SH3GL2: variants seen among roughly 807,000 people sequenced by gnomAD.
The protein encoded by SH3GL2 is endophilin-A1.
Under a neutral mutation model 46.0 loss-of-function variants are expected in SH3GL2, and 24 were observed. The ratio of observed to expected loss-of-function variants is 0.52; its 90% confidence interval spans 0.38 to 0.73. The LOEUF is 0.73. SH3GL2 is among the 30% of genes least tolerant of loss of function. The pLI is 0.00. For missense variants in SH3GL2, 413 were observed against 424.2 expected, an observed-to-expected ratio of 0.97 and a Z score of 0.23; for synonymous variants, 196 against 147.1, an observed-to-expected ratio of 1.33 and a Z score of -2.40.
chr9:17,671,397 G>T (rs1488873446), intron 1 of SH3GL2, among the ~76,000 whole-genome samples: 1 of 152,174 alleles, frequency 6.6e-6, no homozygotes, highest in African/African-American at 2.4e-5. Flanking sequence ...GTGTGGCAGG[G>T]TGAGGGGAAG....
At chr9:17,592,596 T>TAAAA (rs1462291643) in intron 1 of SH3GL2, among the ~76,000 whole-genome samples, 8 of 152,232 alleles carry the variant, frequency 5.3e-5, no homozygotes, top group Non-Finnish European at 8.8e-5. Flanking sequence ...TAGTAGATAT[T>TAAAA]CTAACAATAC....
intron 1 of SH3GL2, among the ~76,000 whole-genome samples, chr9:17,648,208 G>A (rs569351259): frequency 1.2e-4 from 19 of 152,218 alleles, no homozygotes; most frequent in African/African-American, 4.3e-4. Context: ...ACTACACAAG[G>A]GGATTGATGT....
intron 1 of SH3GL2, among the ~76,000 whole-genome samples, chr9:17,583,584 A>G (rs1288858150): frequency 1.3e-5 from 2 of 152,244 alleles, no homozygotes; most frequent in African/African-American, 2.4e-5. Flanking sequence ...TACCCCGTCT[A>G]AGATATTTTG....
rs146383711 is a variant in SH3GL2 at position 17,758,203 on chromosome 9, A to G, written c.115-3234A>G. Among the ~76,000 whole-genome samples, 430 of 152,212 alleles carry G rather than the reference A, an allele frequency of 2.8e-3. 3 individuals are homozygous for G. The highest frequency in any genetic ancestry group is 1.0e-2 in the African/African-American group (415 of 41,542). On this transcript the variant is annotated intron_variant, in intron 2 of 8. Transcript: ENST00000380607. ...TGGACATTTAATAAATTAAAGCGTTAAACAGAATGCTCCCCTGGTCTCTTC... is the reference window on the plus strand; with the variant it reads ...TGGACATTTAATAAATTAAAGCGTTGAACAGAATGCTCCCCTGGTCTCTTC...
At chr9:17,791,886 T>G (rs1824140069) in intron 7 of SH3GL2, among the ~76,000 whole-genome samples, 1 of 152,176 alleles carries the variant, frequency 6.6e-6, no homozygotes, top group Admixed American at 6.5e-5. Context: ...TTCACCTCAT[T>G]AGATGTACCT....
At chr9:17,782,511 C>G (rs1211350265) in intron 3 of SH3GL2, among the ~76,000 whole-genome samples, 3 of 152,020 alleles carry the variant, frequency 2.0e-5, no homozygotes, top group Non-Finnish European at 2.9e-5. Context: ...GAAATGGAGT[C>G]AGGAGAAATG....
At chr9:17,636,979 C>G (rs760583444) in intron 1 of SH3GL2, among the ~76,000 whole-genome samples, 1 of 152,146 alleles carries the variant, frequency 6.6e-6, no homozygotes, top group Admixed American at 6.5e-5. Context: ...TTACAATTTG[C>G]TTGTAGTAGG....
intron 1 of SH3GL2, among the ~76,000 whole-genome samples, chr9:17,635,051 T>C (rs1033528848): frequency 6.6e-6 from 1 of 152,186 alleles, no homozygotes; most frequent in East Asian, 1.9e-4. Flanking sequence ...ATGTGTGTCA[T>C]GGGAGTTTGT....
At chr9:17,752,479 T>C (rs1404056535) in intron 2 of SH3GL2, among the ~76,000 whole-genome samples, 1 of 152,192 alleles carries the variant, frequency 6.6e-6, no homozygotes, top group East Asian at 1.9e-4. Flanking sequence ...ATTCATCTAC[T>C]TATTTATCTA....
In SH3GL2 at chr9:17,678,976, G is replaced by A. The variant is rs142702390; in HGVS notation, c.46-68090G>A. Among the ~76,000 whole-genome samples, 638 of 152,200 alleles carry A rather than the reference G, an allele frequency of 4.2e-3. 3 individuals carry two copies. Among genetic ancestry groups the A allele is most frequent in the African/African-American group, 0.015 (610 of 41,518 alleles). On this transcript the variant is annotated intron_variant, in intron 1 of 8. Coordinates refer to ENST00000380607, the MANE Select transcript of SH3GL2 (RefSeq NM_003026.5). The stretch of plus-strand genomic sequence containing the variant: ...ATATTATTTCTGAGGCCTCTGTTCT[G>A]TTCCATTGGTCTATATCTCTATTTT...
chr9:17,665,951 A>G (rs1196314242), intron 1 of SH3GL2, among the ~76,000 whole-genome samples: 2 of 150,558 alleles, frequency 1.3e-5, no homozygotes, highest in Non-Finnish European at 3.0e-5. Flanking sequence ...TCAGTCTAGT[A>G]CCACAGGGTT....
At chr9:17,625,132 A>C (rs1352140568) in intron 1 of SH3GL2, among the ~76,000 whole-genome samples, 1 of 152,104 alleles carries the variant, frequency 6.6e-6, no homozygotes, top group Non-Finnish European at 1.5e-5. Context: ...GCACTCTCTC[A>C]TGCTTGCATT....
chr9:17,740,212 G>A (rs900684862), intron 1 of SH3GL2, among the ~76,000 whole-genome samples: 9 of 151,904 alleles, frequency 5.9e-5, no homozygotes, highest in South Asian at 4.1e-4. Flanking sequence ...TTAAATTTCC[G>A]GATAGGAAAA....
At chr9:17,749,848 G>T (rs1385046610) in intron 2 of SH3GL2, among the ~76,000 whole-genome samples, 1 of 152,132 alleles carries the variant, frequency 6.6e-6, no homozygotes, top group African/African-American at 2.4e-5. Flanking sequence ...TGAAAGTAAG[G>T]TATAAGGATT....
intron 1 of SH3GL2, among the ~76,000 whole-genome samples, chr9:17,665,653 A>G (rs1820324165): frequency 6.6e-6 from 1 of 151,904 alleles, no homozygotes; most frequent in Non-Finnish European, 1.5e-5. Context: ...TGATGTCATC[A>G]TCGTTCTTTA....
intron 1 of SH3GL2, among the ~76,000 whole-genome samples, chr9:17,609,561 A>T (rs1420292905): frequency 1.3e-5 from 2 of 152,194 alleles, no homozygotes. Flanking sequence ...AGTATGGCTG[A>T]TCTCTAGAAG....
At chr9:17,730,575 A>C (rs1822150566) in intron 1 of SH3GL2, among the ~76,000 whole-genome samples, 1 of 152,142 alleles carries the variant, frequency 6.6e-6, no homozygotes, top group Non-Finnish European at 1.5e-5. Flanking sequence ...TTGCCCATTC[A>C]ATATGATATT....
chr9:17,748,252 T>C (rs1822749778), intron 2 of SH3GL2, among the ~76,000 whole-genome samples: 1 of 152,206 alleles, frequency 6.6e-6, no homozygotes, highest in African/African-American at 2.4e-5. Context: ...CAGAAACATT[T>C]TAGGTCTTAA....
intron 1 of SH3GL2, among the ~76,000 whole-genome samples, chr9:17,632,844 T>C (rs1484370907): frequency 6.6e-6 from 1 of 152,192 alleles, no homozygotes; most frequent in East Asian, 1.9e-4. Context: ...GTCAGGAGCT[T>C]CTGCTAATTA....
Sources: allele counts gnomAD v4.1 joint callset (sites outside exome capture counted in the v4.1 genomes callset), GRCh38; gene constraint gnomAD v4.1.1; transcripts MANE v1.5; gene names NCBI Gene and HGNC (gene_info 2026-07-23, HGNC 2026-07-21).